The following RBM7 variants were observed in gnomAD, a reference collection of about 807,000 sequenced individuals.
RBM7 encodes RNA binding motif protein 7, also known as RNA-binding protein 7.
A neutral mutation model predicts 31.0 loss-of-function variants in RBM7; 13 were observed. The ratio of observed to expected loss-of-function variants is 0.42; its 90% CI spans 0.27 to 0.67. The LOEUF (loss-of-function observed/expected upper bound fraction) is 0.67, where lower values mean the gene tolerates loss of function less well. Among genes scored for constraint, RBM7 ranks in the 30% least tolerant of loss-of-function variants. The probability of loss-of-function intolerance (pLI) is 0.24; values close to 1 mark genes in which losing one functional copy is unlikely to be tolerated. For synonymous variants in RBM7, 106 were observed against 111.2 expected (o/e 0.95, Z 0.30); for missense variants, 245 against 326.2 (o/e 0.75, Z 1.92).
At chr11:114,401,389 G>A (rs1025090797) in intron 1 of RBM7, among the ~76,000 whole-genome samples, 2 of 152,084 alleles carry the variant, frequency 1.3e-5, no homozygotes, top group East Asian at 3.9e-4. Flanking sequence ...TCTTGTTCTT[G>A]ATAAATGTTC....
chr11:114,401,739 T>C lies in RBM7; in HGVS notation c.138T>C (p.Asp46=). The C allele has an allele frequency of 6.3e-7, 1 of 1,580,836 alleles. No individual in the cohort carries two copies. The change falls in exon 2 of 5, where the codon GAT becomes GAC. Residue 46 remains aspartate (D), a synonymous_variant. Transcript: ENST00000375490. The stretch of plus-strand genomic sequence containing the variant: ...AGGTGAAAATTCCAAAAGATAAGGA[T>C]GGTAAACCAAAGCAGTTTGCGTTTG... ...VIKVKIPKDK[D]GKPKQFAFVN... is the part of the protein sequence containing the mutation.
chr11:114,401,493 A>G (rs1472532359), intron 1 of RBM7, among the ~76,000 whole-genome samples: 1 of 152,206 alleles, frequency 6.6e-6, no homozygotes, highest in Non-Finnish European at 1.5e-5. Flanking sequence ...CCAGTTCCTT[A>G]TGGGCCCCCT....
At chr11:114,403,112 G>C (rs1565260473) in intron 3 of RBM7, among the ~76,000 whole-genome samples, 197 bp downstream of exon 3, 2 of 152,068 alleles carry the variant, frequency 1.3e-5, no homozygotes, top group Non-Finnish European at 2.9e-5. Context: ...CAAACACATT[G>C]TATATAGTCC....
intron 2 of RBM7, 152 bp from the exon 3 acceptor site, chr11:114,402,676 A>T (rs1946221103): frequency 1.5e-6 from 1 of 653,594 alleles, no homozygotes; most frequent in African/African-American, 1.8e-5. Flanking sequence ...AAGTGCTGGG[A>T]TTACAGGCGT....
intron 3 of RBM7, among the ~76,000 whole-genome samples, chr11:114,404,607 G>GT (rs1447684635): frequency 6.6e-6 from 1 of 151,980 alleles, no homozygotes; most frequent in East Asian, 1.9e-4. Flanking sequence ...GAAGGCTGTG[G>GT]TGGGAGGACC....
rs1946318373 is a variant in RBM7, at chr11:114,410,142, CAG to C, written c.*2337_*2338del. The stretch of plus-strand genomic sequence containing the variant: ...TCATCTATATTGACAGCTGCAAGAA[CAG>C]AAAGGAAGAAGAGATTATTTTTGTG... On this transcript the variant is annotated 3_prime_UTR_variant, in exon 5 of 5. Coordinates refer to ENST00000375490, the MANE Select transcript of RBM7 (RefSeq NM_001286045.2). The C allele has an allele frequency of 6.6e-6, 1 of 151,514 alleles. No individual in the cohort carries two copies. The highest frequency in any genetic ancestry group is 6.6e-5 in the Admixed American group (1 of 15,216). The allele number at this position is 151,514 out of a possible 1,614,324, so 9.4% of individuals were successfully genotyped here. A position where few individuals can be genotyped will look rare whatever the true frequency, so the allele number is the denominator to read the frequency against.
chr11:114,407,587 C>A lies in RBM7; in HGVS notation c.584C>A (p.Pro195Gln). 1 of 1,614,124 alleles carries A rather than the reference C, an allele frequency of 6.2e-7. No homozygotes were observed. ...SSSSQWRQGT[P>Q]SSQRKVRMNS... is the part of the protein sequence containing the mutation. ...AGCTCCCAGTGGCGCCAAGGTACAC[C>A]ATCATCACAGCGTAAAGTCAGAATG... The change falls in exon 5 of 5, where the codon CCA (proline) becomes CAA (glutamine). Residue 195 changes from proline (P) to glutamine (Q), a missense_variant. Coordinates refer to ENST00000375490, the MANE Select transcript of RBM7 (RefSeq NM_001286045.2).
chr11:114,405,683 T>A, intron 3 of RBM7, 23 bp from the exon 4 acceptor site: 1 of 1,479,612 alleles, frequency 6.8e-7, no homozygotes, highest in Non-Finnish European at 9.2e-7. Flanking sequence ...GAATGAATGG[T>A]TACATGTTGG....
intron 4 of RBM7, chr11:114,407,132 A>G (rs1264955480): frequency 4.5e-6 from 1 of 222,948 alleles, no homozygotes; most frequent in African/African-American, 2.3e-5. Context: ...CCCAGATCAT[A>G]TGCCACCTTC....
At chr11:114,405,299 T>C (rs974108441) in intron 3 of RBM7, among the ~76,000 whole-genome samples, 5 of 152,240 alleles carry the variant, frequency 3.3e-5, no homozygotes, top group Non-Finnish European at 7.3e-5. Context: ...GGTGTGGCTA[T>C]GTTCCAGTAA....
intron 1 of RBM7, 59 bp from the exon 2 acceptor site, chr11:114,401,639 A>C: frequency 7.7e-7 from 1 of 1,302,044 alleles, no homozygotes; most frequent in South Asian, 1.7e-5. Flanking sequence ...TTATTTGTAA[A>C]ATTTGAGTAT....
At chr11:114,405,671 TTGAA>T in intron 3 of RBM7, 31 bp from the exon 4 acceptor site, 1 of 1,422,154 alleles carries the variant, frequency 7.0e-7, no homozygotes, top group Non-Finnish European at 9.7e-7. Context: ...TAAATATTTA[TTGAA>T]TGAATGGTTA....
At chr11:114,407,028 T>C in intron 4 of RBM7, 1 of 160,866 alleles carries the variant, frequency 6.2e-6, no homozygotes, top group Non-Finnish European at 1.4e-5. Context: ...ATGAACCTGT[T>C]CTGTGTTTCC....
intron 2 of RBM7, 81 bp downstream of exon 2, chr11:114,401,941 T>G: frequency 7.2e-7 from 1 of 1,392,298 alleles, no homozygotes. Context: ...ACCTCTTATT[T>G]GTAGATGAAA....
intron 3 of RBM7, among the ~76,000 whole-genome samples, chr11:114,405,234 G>A (rs909947771): frequency 1.3e-5 from 2 of 152,206 alleles, no homozygotes; most frequent in African/African-American, 4.8e-5. Flanking sequence ...AGAAGATACT[G>A]TTTCTGTCTC....
chr11:114,405,200 T>C (rs993018299), intron 3 of RBM7, among the ~76,000 whole-genome samples: 1 of 152,226 alleles, frequency 6.6e-6, no homozygotes, highest in South Asian at 2.1e-4. Context: ...GAAAGGACCA[T>C]ATAGTTAATA....
intron 2 of RBM7, 39 bp downstream of exon 2, chr11:114,401,899 C>G (rs747737872): frequency 1.3e-6 from 2 of 1,517,834 alleles, no homozygotes; most frequent in Admixed American, 5.0e-5. Flanking sequence ...TTGTTTCCTG[C>G]TGTTTTTAAA....
intron 4 of RBM7, chr11:114,407,220 G>T: frequency 2.4e-6 from 1 of 411,810 alleles, no homozygotes; most frequent in Non-Finnish European, 4.3e-6. Flanking sequence ...GTCATTTTGT[G>T]TGACTTATTC....
At chr11:114,401,502 C>T (rs1404349077) in intron 1 of RBM7, among the ~76,000 whole-genome samples, 196 bp from the exon 2 acceptor site, 2 of 152,180 alleles carry the variant, frequency 1.3e-5, no homozygotes, top group African/African-American at 4.8e-5. Context: ...TATGGGCCCC[C>T]TTCCCCAAAT....
Sources: allele counts gnomAD v4.1 joint callset (sites outside exome capture counted in the v4.1 genomes callset), GRCh38; gene constraint gnomAD v4.1.1; transcripts MANE v1.5; gene names NCBI Gene and HGNC (gene_info 2026-07-23, HGNC 2026-07-21).